TMEM116: variants seen among roughly 807,000 people sequenced by gnomAD.
TMEM116 encodes the protein transmembrane protein 116.
A neutral mutation model predicts 44.3 loss-of-function variants in TMEM116; 38 were observed. That is an observed-to-expected ratio of 0.86 (90% CI 0.66 to 1.12). The LOEUF is 1.12. Among genes scored for constraint, TMEM116 ranks in the 50% most tolerant of loss-of-function variants. The pLI is 0.00. For missense variants in TMEM116, 354 were observed against 401.7 expected (o/e 0.88, Z 1.01); for synonymous variants, 132 against 144.8 (o/e 0.91, Z 0.64).
intron 4 of TMEM116, among the ~76,000 whole-genome samples, chr12:111,983,968 A>G (rs115621741): frequency 1.7e-3 from 257 of 152,298 alleles, no homozygotes; most frequent in African/African-American, 6.0e-3. Flanking sequence ...TAAAATGATT[A>G]TACACCATGA....
At chr12:111,975,913 C>T (rs1447351029) in intron 4 of TMEM116, among the ~76,000 whole-genome samples, 1 of 152,178 alleles carries the variant, frequency 6.6e-6, no homozygotes, top group Non-Finnish European at 1.5e-5. Context: ...CAACACCTTA[C>T]CATCACGTCA....
chr12:111,936,540 G>T, intron 8 of TMEM116, 152 bp downstream of exon 8: 1 of 731,434 alleles, frequency 1.4e-6, no homozygotes. Flanking sequence ...GTCTGAGGCA[G>T]TAATTATATT....
chr12:111,955,843 ATGT>A (rs1445900002), intron 4 of TMEM116, among the ~76,000 whole-genome samples: 2 of 152,144 alleles, frequency 1.3e-5, no homozygotes, highest in African/African-American at 2.4e-5. Flanking sequence ...ATACAGTAAC[ATGT>A]TGTTTAGGTT....
At chr12:111,938,622 G>A (rs901805190) in intron 5 of TMEM116, among the ~76,000 whole-genome samples, 3 of 152,118 alleles carry the variant, frequency 2.0e-5, no homozygotes, top group Admixed American at 1.3e-4. Context: ...CTTTATGAGT[G>A]GAATGAAACC....
chr12:111,937,370 TTTC>T (rs1332136698), intron 6 of TMEM116, 127 bp from the exon 7 acceptor site: 1 of 732,822 alleles, frequency 1.4e-6, no homozygotes, highest in Non-Finnish European at 2.3e-6. Context: ...ACACATTTAA[TTTC>T]TTCAAGAAAA....
At chr12:111,932,696 C>CT in intron 9 of TMEM116, 37 bp from the exon 10 acceptor site, 2 of 1,553,216 alleles carry the variant, frequency 1.3e-6, no homozygotes, top group Non-Finnish European at 1.8e-6. Context: ...CTTGTCAGCC[C>CT]TGACTGTCTG....
chr12:111,997,462 G>C (rs2076987047), intron 3 of TMEM116, among the ~76,000 whole-genome samples: 1 of 152,256 alleles, frequency 6.6e-6, no homozygotes, highest in South Asian at 2.1e-4. Flanking sequence ...TCAGGAAGCT[G>C]AGGTGGCAGG....
At chr12:111,943,391 C>T (rs1446445000) in intron 4 of TMEM116, 22 bp from the exon 5 acceptor site, 4 of 1,528,898 alleles carry the variant, frequency 2.6e-6, no homozygotes, top group African/African-American at 1.4e-5. Context: ...TCAAAACAAC[C>T]CATCATAACT....
intron 4 of TMEM116, among the ~76,000 whole-genome samples, chr12:111,979,428 C>G (rs573260566): frequency 6.6e-6 from 1 of 152,018 alleles, no homozygotes; most frequent in Non-Finnish European, 1.5e-5. Flanking sequence ...TAGTAAATAC[C>G]TAGAATATAG....
At chr12:111,994,331 T>C (rs898181609) in intron 3 of TMEM116, among the ~76,000 whole-genome samples, 3 of 152,058 alleles carry the variant, frequency 2.0e-5, no homozygotes, top group Non-Finnish European at 4.4e-5. Context: ...AGACTTATCG[T>C]GGGATCTGGC....
chr12:112,001,249 C>T (rs2077236065), intron 3 of TMEM116, among the ~76,000 whole-genome samples: 1 of 152,284 alleles, frequency 6.6e-6, no homozygotes, highest in Middle Eastern at 3.4e-3. Context: ...CAGAAAGTCA[C>T]CTTGGACAGT....
chr12:111,940,529 A>ATATATATATATACACACATATATATGTG (rs1555207434), intron 5 of TMEM116, among the ~76,000 whole-genome samples: 1,376 of 119,062 alleles, frequency 0.012, 45 homozygotes, highest in African/African-American at 0.055. Flanking sequence ...ATGTGTATAT[A>ATATATATATATACACACATATATATGTG]TATATATATA....
At chr12:111,989,323 C>T (rs1367401385) in intron 4 of TMEM116, among the ~76,000 whole-genome samples, 2 of 152,130 alleles carry the variant, frequency 1.3e-5, no homozygotes, top group African/African-American at 4.8e-5. Flanking sequence ...AAAAGGGCCC[C>T]CTTTAGGCAG....
Position 111,936,707 on chromosome 12 carries a change from G to T in TMEM116, c.573C>A (p.Ser191Arg). ...GGTACCATACCATAATGGTAAGGAG[G>T]CTGAGTACAAAGCTGCCCAGGAAAA... ...IAIFLGSFVL[S>R]LLTIMVLLIR... is the part of the protein sequence containing the mutation. The change falls in exon 8 of 11, where the codon AGC becomes AGA. Residue 191 changes from serine to arginine, a missense_variant. Physicochemically the swap from Ser to Arg is moderately radical, Grantham distance 110. Coordinates refer to ENST00000552374, the MANE Select transcript of TMEM116 (RefSeq NM_001193531.2). The T allele has an allele frequency of 6.2e-7, 1 of 1,614,028 alleles. No homozygotes were observed.
At chr12:111,960,995 A>G (rs576204378) in intron 4 of TMEM116, among the ~76,000 whole-genome samples, 12 of 152,332 alleles carry the variant, frequency 7.9e-5, no homozygotes, top group African/African-American at 2.9e-4. Flanking sequence ...AGGGGATGTC[A>G]CCACTGATCC....
Position 111,934,141 on chromosome 12 carries a change from C to T in TMEM116, c.589-111G>A, listed in dbSNP as rs751547484. ...TTCTCTTAGAATCTCACAACAGGAACGACCCCATTCTCTTGTCTTTACTTT... is the reference window on the plus strand; with the variant it reads ...TTCTCTTAGAATCTCACAACAGGAATGACCCCATTCTCTTGTCTTTACTTT... On this transcript the variant is annotated intron_variant, in intron 8 of 10. Transcript: ENST00000552374. 7.4e-5 allele frequency: 90 copies of T among 1,217,506 alleles called. No homozygotes were observed. The Middle Eastern group carries it at 1.0e-3, about 14-fold the overall frequency. 75.4% of individuals were successfully genotyped at this position (1,217,506 alleles called of 1,614,324 possible).
At chr12:111,978,424 A>G (rs1298624095) in intron 4 of TMEM116, among the ~76,000 whole-genome samples, 1 of 152,072 alleles carries the variant, frequency 6.6e-6, no homozygotes, top group East Asian at 1.9e-4. Context: ...AGGCCCATCT[A>G]TATGTTGTCT....
intron 3 of TMEM116, among the ~76,000 whole-genome samples, chr12:112,001,937 T>C (rs2077282567): frequency 6.6e-6 from 1 of 152,164 alleles, no homozygotes; most frequent in African/African-American, 2.4e-5. Context: ...AAGGCTGCAT[T>C]CAAATTCCAG....
At chr12:111,963,525 G>C (rs140689035) in intron 4 of TMEM116, among the ~76,000 whole-genome samples, 24 of 152,248 alleles carry the variant, frequency 1.6e-4, no homozygotes, top group Admixed American at 1.2e-3. Context: ...CCTTTGCAGG[G>C]ACATGGATGA....
Sources: allele counts gnomAD v4.1 joint callset (sites outside exome capture counted in the v4.1 genomes callset), GRCh38; gene constraint gnomAD v4.1.1; transcripts MANE v1.5; gene names NCBI Gene and HGNC (gene_info 2026-07-23, HGNC 2026-07-21).